The following CRPPA variants were observed in gnomAD, a reference collection of about 807,000 sequenced individuals.
CRPPA encodes the protein CDP-L-ribitol pyrophosphorylase A.
A neutral mutation model predicts 52.0 loss-of-function variants in CRPPA; 43 were observed. The observed-to-expected ratio is 0.83, with a 90% CI of 0.65 to 1.07. CRPPA has a LOEUF of 1.07. Among genes scored for constraint, CRPPA ranks in the 50% least tolerant of loss-of-function variants. CRPPA has a pLI of 0.00. For synonymous variants in CRPPA, 250 were observed against 203.5 expected (o/e 1.23, Z -1.94); for missense variants, 629 against 551.7 (o/e 1.14, Z -1.40).
intron 9 of CRPPA, among the ~76,000 whole-genome samples, chr7:16,171,661 C>T (rs183245061): frequency 6.6e-6 from 1 of 152,162 alleles, no homozygotes; most frequent in Admixed American, 6.5e-5. Flanking sequence ...GGCATGGTGG[C>T]GGGTGCCTGT....
intron 6 of CRPPA, chr7:16,269,674 A>G (rs1243672577): frequency 6.6e-6 from 1 of 152,202 alleles, no homozygotes. Context: ...TGTGGTTATA[A>G]GCTCAAAGTG....
chr7:16,217,937 A>C (rs1237403233), intron 8 of CRPPA, among the ~76,000 whole-genome samples: 1 of 151,232 alleles, frequency 6.6e-6, no homozygotes, highest in Non-Finnish European at 1.5e-5. Flanking sequence ...GGAAATACAG[A>C]GAACGCCACA....
intron 9 of CRPPA, among the ~76,000 whole-genome samples, chr7:16,169,305 AATG>A (rs1345390520): frequency 6.6e-6 from 1 of 152,198 alleles, no homozygotes; most frequent in Non-Finnish European, 1.5e-5. Flanking sequence ...AAGAACAAGA[AATG>A]ATGAAGTCAA....
At chr7:16,200,135 G>A (rs565224813) in intron 9 of CRPPA, among the ~76,000 whole-genome samples, 1 of 152,274 alleles carries the variant, frequency 6.6e-6, no homozygotes, top group South Asian at 2.1e-4. Flanking sequence ...TGGAATTAAA[G>A]GCGTAAGCCA....
intron 3 of CRPPA, among the ~76,000 whole-genome samples, chr7:16,372,844 T>C (rs976395852): frequency 1.3e-5 from 2 of 152,026 alleles, no homozygotes; most frequent in African/African-American, 2.4e-5. Context: ...GGTGGAAAAA[T>C]ACATTGCAAG....
At position 16,398,879 on chromosome 7, in the gene CRPPA, A is replaced by G. The variant is rs114396973; in HGVS notation, c.534+7182T>C. Among the ~76,000 whole-genome samples the G allele has an allele frequency of 3.2e-3, 487 of 152,314 alleles. 2 individuals carry two copies. The highest frequency in any genetic ancestry group is 0.011 in the African/African-American group (441 of 41,578). ...CTGGCATGTGTCCAACACGTGACTC[A>G]CACGTGATCAGCACATGTCCAACAA... On this transcript the variant is annotated intron_variant, in intron 2 of 9. Transcript: ENST00000407010.
At position 16,170,319 on chromosome 7, in the gene CRPPA, G is replaced by A. The variant is rs939224563; in HGVS notation, c.1251+45747C>T. Among the ~76,000 whole-genome samples, 6 of 152,186 alleles carry A rather than the reference G, an allele frequency of 3.9e-5. No homozygotes were observed. The East Asian group carries it at 1.2e-3, about 29-fold the overall frequency. ...AACCCAGTGTGTTCAGAATTGGTGG[G>A]CTCTTGGTTTCACTGACTTGCAAGA... On this transcript the variant is annotated intron_variant, in intron 9 of 9. Transcript: ENST00000407010.
At chr7:16,135,533 A>C (rs999296696) in intron 9 of CRPPA, among the ~76,000 whole-genome samples, 2 of 152,202 alleles carry the variant, frequency 1.3e-5, no homozygotes, top group African/African-American at 4.8e-5. Context: ...CACTTAAAGA[A>C]GCAAACAGAA....
At chr7:16,284,268 T>C (rs1784378654) in intron 5 of CRPPA, among the ~76,000 whole-genome samples, 1 of 151,988 alleles carries the variant, frequency 6.6e-6, no homozygotes, top group African/African-American at 2.4e-5. Flanking sequence ...TTAAGATTCA[T>C]CCCTCAGTAT....
chr7:16,230,427 A>C (rs950308712), intron 8 of CRPPA, among the ~76,000 whole-genome samples: 6 of 151,464 alleles, frequency 4.0e-5, no homozygotes, highest in Non-Finnish European at 8.8e-5. Context: ...CATTCCCTAC[A>C]TTGTATTTTC....
chr7:16,217,065 T>G, intron 8 of CRPPA, among the ~76,000 whole-genome samples: 1 of 150,990 alleles, frequency 6.6e-6, no homozygotes, highest in Admixed American at 6.6e-5. Context: ...AAGAGAGCAG[T>G]GGTTCTCCCA....
chr7:16,218,742 C>T (rs1169859736), intron 8 of CRPPA, among the ~76,000 whole-genome samples: 60 of 128,960 alleles, frequency 4.7e-4, no homozygotes, highest in African/African-American at 1.8e-3. Flanking sequence ...GAAGAGCTAA[C>T]TATCCTAAAT....
intron 2 of CRPPA, among the ~76,000 whole-genome samples, chr7:16,384,203 C>T (rs1451227526): frequency 6.6e-6 from 1 of 152,076 alleles, no homozygotes; most frequent in Non-Finnish European, 1.5e-5. Context: ...TGATTTTTCA[C>T]AAGTAGAAGA....
chr7:16,382,318 C>A (rs914438932), intron 2 of CRPPA, among the ~76,000 whole-genome samples: 9 of 152,176 alleles, frequency 5.9e-5, no homozygotes, highest in African/African-American at 1.7e-4. Flanking sequence ...TGAATATTGG[C>A]CCCCACTCTC....
intron 2 of CRPPA, among the ~76,000 whole-genome samples, chr7:16,390,305 A>C (rs556743683): frequency 1.4e-3 from 212 of 152,230 alleles, no homozygotes; most frequent in African/African-American, 4.7e-3. Context: ...CCAGCTAATA[A>C]CAAGTTTCTT....
intron 2 of CRPPA, among the ~76,000 whole-genome samples, chr7:16,379,261 A>T (rs1168094766): frequency 6.6e-6 from 1 of 152,132 alleles, no homozygotes; most frequent in African/African-American, 2.4e-5. Flanking sequence ...TAAGTCTTTA[A>T]TCCATCTTGA....
At chr7:16,265,823 G>T (rs1464375042) in intron 6 of CRPPA, among the ~76,000 whole-genome samples, 1 of 152,114 alleles carries the variant, frequency 6.6e-6, no homozygotes, top group Non-Finnish European at 1.5e-5. Flanking sequence ...GCACGGGCAG[G>T]TATTATCATC....
intron 5 of CRPPA, among the ~76,000 whole-genome samples, chr7:16,290,930 C>CA (rs146087260): frequency 0.027 from 4,140 of 151,504 alleles, 183 homozygotes; most frequent in African/African-American, 0.094. Flanking sequence ...AACTCAACAG[C>CA]AAAAAAACAA....
intron 2 of CRPPA, among the ~76,000 whole-genome samples, chr7:16,381,983 C>T (rs1010878752): frequency 1.3e-5 from 2 of 152,010 alleles, no homozygotes; most frequent in Non-Finnish European, 2.9e-5. Flanking sequence ...AGCATTTAGT[C>T]CATTTACATT....
Sources: allele counts gnomAD v4.1 joint callset (sites outside exome capture counted in the v4.1 genomes callset), GRCh38; gene constraint gnomAD v4.1.1; transcripts MANE v1.5; gene names NCBI Gene and HGNC (gene_info 2026-07-23, HGNC 2026-07-21).